WDR27: variants seen among roughly 807,000 people sequenced by gnomAD.
WDR27 encodes the protein WD repeat domain 27.
Under a neutral mutation model 114.4 loss-of-function variants are expected in WDR27, and 100 were observed. The observed-to-expected ratio is 0.87, with a 90% confidence interval of 0.74 to 1.03. WDR27 has a LOEUF of 1.03. Ranked by LOEUF, WDR27 falls within the 50% of genes least tolerant of loss-of-function variation. WDR27 has a pLI of 0.00. For missense variants in WDR27, 1,129 were observed against 1,092.9 expected, an observed-to-expected ratio of 1.03 and a Z score of -0.47; for synonymous variants, 449 against 423.1, an observed-to-expected ratio of 1.06 and a Z score of -0.75.
chr6:169,463,291 G>T (rs578197143), intron 25 of WDR27, among the ~76,000 whole-genome samples: 2 of 152,152 alleles, frequency 1.3e-5, no homozygotes. Context: ...TCACCCATAC[G>T]GATGAAGCTC....
chr6:169,451,905 C>G, the WDR27 span, among the ~76,000 whole-genome samples: 1 of 151,722 alleles, frequency 6.6e-6, no homozygotes, highest in African/African-American at 2.4e-5. Context: ...TAAATATTAT[C>G]TTAACACACG....
intron 9 of WDR27, 65 bp from the exon 10 acceptor site, chr6:169,660,831 G>A: frequency 1.4e-6 from 2 of 1,431,142 alleles, no homozygotes; most frequent in East Asian, 4.7e-5. Flanking sequence ...GGCCCCACGT[G>A]CGCCCCCTGG....
At chr6:169,529,898 C>T (rs1337782852) in intron 25 of WDR27, among the ~76,000 whole-genome samples, 1 of 152,004 alleles carries the variant, frequency 6.6e-6, no homozygotes, top group Non-Finnish European at 1.5e-5. Context: ...AGCACTGTGC[C>T]ATAACTAGAA....
At chr6:169,510,722 G>T (rs1399819414) in intron 25 of WDR27, among the ~76,000 whole-genome samples, 1 of 151,944 alleles carries the variant, frequency 6.6e-6, no homozygotes, top group Non-Finnish European at 1.5e-5. Flanking sequence ...CATGGCACAT[G>T]TATACATATG....
the WDR27 span, among the ~76,000 whole-genome samples, chr6:169,439,000 A>C: frequency 6.6e-6 from 1 of 152,144 alleles, no homozygotes; most frequent in Non-Finnish European, 1.5e-5. Flanking sequence ...TAAATGTTTT[A>C]AGTTTTTTTA....
At chr6:169,560,952 T>C (rs1248670641) in intron 25 of WDR27, among the ~76,000 whole-genome samples, 1 of 152,060 alleles carries the variant, frequency 6.6e-6, no homozygotes, top group Non-Finnish European at 1.5e-5. Flanking sequence ...GACAAATATA[T>C]AGAATTTTTG....
chr6:169,692,698 A>C (rs1784823350), intron 1 of WDR27, among the ~76,000 whole-genome samples: 1 of 152,132 alleles, frequency 6.6e-6, no homozygotes, highest in Non-Finnish European at 1.5e-5. Context: ...GATGCGTCAG[A>C]CACAGCCACA....
chr6:169,590,724 A>T (rs1348516038), intron 23 of WDR27, among the ~76,000 whole-genome samples: 1 of 152,230 alleles, frequency 6.6e-6, no homozygotes, highest in East Asian at 1.9e-4. Flanking sequence ...TTTCTCTGGC[A>T]CTTCCTCTTG....
At chr6:169,674,599 A>G (rs1000922127) in intron 2 of WDR27, among the ~76,000 whole-genome samples, 6 of 152,248 alleles carry the variant, frequency 3.9e-5, no homozygotes, top group African/African-American at 1.4e-4. Flanking sequence ...ACTTCACGTG[A>G]CCTGACATAC....
At chr6:169,540,960 A>G (rs1796768085) in intron 25 of WDR27, among the ~76,000 whole-genome samples, 1 of 152,154 alleles carries the variant, frequency 6.6e-6, no homozygotes, top group African/African-American at 2.4e-5. Flanking sequence ...AGTGCCTTGG[A>G]CATGAACACC....
intron 13 of WDR27, among the ~76,000 whole-genome samples, chr6:169,654,568 G>C (rs985805613): frequency 1.3e-5 from 2 of 152,208 alleles, no homozygotes; most frequent in African/African-American, 4.8e-5. Flanking sequence ...GTCTCCAAAG[G>C]CTGGTGAGAC....
intron 25 of WDR27, among the ~76,000 whole-genome samples, chr6:169,542,320 T>C (rs1317625757): frequency 6.6e-6 from 1 of 152,150 alleles, no homozygotes; most frequent in African/African-American, 2.4e-5. Context: ...AACAAAGTAA[T>C]TGCAACAAAC....
chr6:169,596,165 T>C (rs1200938281), intron 23 of WDR27, among the ~76,000 whole-genome samples: 1 of 152,098 alleles, frequency 6.6e-6, no homozygotes, highest in Non-Finnish European at 1.5e-5. Context: ...TTTTTAATTT[T>C]AGAAAATATA....
chr6:169,462,512 G>GAAAGAAAGAA (rs1562446813), intron 25 of WDR27, among the ~76,000 whole-genome samples: 1 of 151,912 alleles, frequency 6.6e-6, no homozygotes, highest in Admixed American at 6.6e-5. Context: ...AAGAAAGAAA[G>GAAAGAAAGAA]AGTAGATCCT....
At chr6:169,588,688 T>G (rs1805111375) in intron 23 of WDR27, among the ~76,000 whole-genome samples, 1 of 152,210 alleles carries the variant, frequency 6.6e-6, no homozygotes, top group African/African-American at 2.4e-5. Context: ...GCGTGGGGCC[T>G]GGGAATGTGC....
intron 25 of WDR27, among the ~76,000 whole-genome samples, chr6:169,491,904 G>A (rs1230320255): frequency 3.3e-5 from 5 of 151,934 alleles, no homozygotes; most frequent in Non-Finnish European, 7.4e-5. Context: ...AATCAAGTAG[G>A]AAGAGATAAG....
intron 1 of WDR27, among the ~76,000 whole-genome samples, chr6:169,700,172 T>C (rs1169507782): frequency 2.0e-5 from 3 of 152,194 alleles, no homozygotes; most frequent in Admixed American, 1.3e-4. Flanking sequence ...CACTGCATTT[T>C]AGTGGGGAGA....
chr6:169,473,998 G>T (rs537890081), intron 25 of WDR27, among the ~76,000 whole-genome samples: 1 of 152,218 alleles, frequency 6.6e-6, no homozygotes, highest in Non-Finnish European at 1.5e-5. Context: ...TGTGTGTGGC[G>T]AATGGAAGTT....
intron 25 of WDR27, among the ~76,000 whole-genome samples, chr6:169,471,895 G>A (rs752990307): frequency 1.2e-4 from 18 of 152,312 alleles, no homozygotes; most frequent in Non-Finnish European, 2.2e-4. Flanking sequence ...CTGCTTCCAA[G>A]ATGGTGCATC....
Sources: allele counts gnomAD v4.1 joint callset (sites outside exome capture counted in the v4.1 genomes callset), GRCh38; gene constraint gnomAD v4.1.1; transcripts MANE v1.5; gene names NCBI Gene and HGNC (gene_info 2026-07-23, HGNC 2026-07-21).